Variants in FAM78B observed in about 807,000 individuals in gnomAD.
FAM78B encodes family with sequence similarity 78 member B, also known as protein FAM78B.
In FAM78B, 10 loss-of-function variants were observed where a neutral mutation model predicts 20.0. The observed-to-expected ratio is 0.50, with a 90% CI of 0.31 to 0.85. FAM78B has a LOEUF of 0.85. Among genes scored for constraint, FAM78B ranks in the 40% least tolerant of loss-of-function variants. The pLI, the probability that FAM78B is intolerant of heterozygous loss-of-function variation, is 0.05. For missense variants in FAM78B, 283 were observed against 345.0 expected, an observed-to-expected ratio of 0.82 and a Z score of 1.42; for synonymous variants, 135 against 132.8, an observed-to-expected ratio of 1.02 and a Z score of -0.12.
chr1:166,110,524 G>A (rs1654009711), intron 1 of FAM78B, among the ~76,000 whole-genome samples: 1 of 152,160 alleles, frequency 6.6e-6, no homozygotes, highest in African/African-American at 2.4e-5. Flanking sequence ...CTCCCATGTG[G>A]TAGTACCCAA....
At chr1:166,163,143 T>G (rs560619488) in intron 1 of FAM78B, among the ~76,000 whole-genome samples, 2 of 152,186 alleles carry the variant, frequency 1.3e-5, no homozygotes, top group African/African-American at 4.8e-5. Flanking sequence ...GACAGGTTGA[T>G]TGAGAGAGTC....
chr1:166,095,263 A>T (rs954416670), intron 1 of FAM78B, among the ~76,000 whole-genome samples: 2 of 151,984 alleles, frequency 1.3e-5, no homozygotes, highest in Non-Finnish European at 2.9e-5. Context: ...AGCATGGCAT[A>T]CTCGATGCAG....
Position 166,074,128 on chromosome 1 carries a change from C to T in FAM78B, c.264-3365G>A, listed in dbSNP as rs1217218396. Reference sequence around the variant, plus strand: ...ATCATGCTCTTTCTATACATAAAATCCTTCCAAGGCTTTTCTATATGGACA... The same window carrying T: ...ATCATGCTCTTTCTATACATAAAATTCTTCCAAGGCTTTTCTATATGGACA... On this transcript the variant is annotated intron_variant, in intron 1 of 1. Transcript: ENST00000354422. 2.0e-5 allele frequency among the ~76,000 whole-genome samples: 3 copies of T among 152,156 alleles called. No individual in the cohort carries two copies. In the East Asian group the frequency reaches 5.8e-4, roughly 29 times the overall value.
intron 1 of FAM78B, among the ~76,000 whole-genome samples, chr1:166,072,272 C>A (rs1652079705): frequency 6.6e-6 from 1 of 152,198 alleles, no homozygotes; most frequent in African/African-American, 2.4e-5. Context: ...CTAGGCCAGT[C>A]AGCCCCAGCC....
chr1:166,083,647 C>A (rs553692339), intron 1 of FAM78B, among the ~76,000 whole-genome samples: 5 of 152,206 alleles, frequency 3.3e-5, no homozygotes, highest in African/African-American at 2.4e-5. Flanking sequence ...TAGGACTACA[C>A]GTGCGTGCCA....
At chr1:166,075,676 T>C (rs1557889794) in intron 1 of FAM78B, among the ~76,000 whole-genome samples, 1 of 152,256 alleles carries the variant, frequency 6.6e-6, no homozygotes, top group Non-Finnish European at 1.5e-5. Flanking sequence ...TATTTCTCAG[T>C]GTCCTTTGCT....
intron 1 of FAM78B, among the ~76,000 whole-genome samples, chr1:166,079,695 C>T (rs1290315982): frequency 6.6e-6 from 1 of 152,218 alleles, no homozygotes; most frequent in Non-Finnish European, 1.5e-5. Flanking sequence ...TCAATGTAAA[C>T]ATAGCCTTCA....
At chr1:166,134,458 A>C (rs183947239) in intron 1 of FAM78B, among the ~76,000 whole-genome samples, 1 of 152,044 alleles carries the variant, frequency 6.6e-6, no homozygotes, top group African/African-American at 2.4e-5. Context: ...GCTTTTCCAA[A>C]TCATTTGAGA....
At chr1:166,150,485 T>C (rs532400642) in intron 1 of FAM78B, among the ~76,000 whole-genome samples, 1 of 152,328 alleles carries the variant, frequency 6.6e-6, no homozygotes, top group East Asian at 1.9e-4. Context: ...TGCAAGTTTC[T>C]TCTTGAATAC....
intron 1 of FAM78B, among the ~76,000 whole-genome samples, chr1:166,153,917 C>G (rs1278395140): frequency 1.3e-5 from 2 of 152,200 alleles, no homozygotes; most frequent in Non-Finnish European, 2.9e-5. Context: ...CTTCCCCAAC[C>G]CCACCTCCTT....
At chr1:166,127,904 A>G (rs1465683744) in intron 1 of FAM78B, among the ~76,000 whole-genome samples, 2 of 152,218 alleles carry the variant, frequency 1.3e-5, no homozygotes, top group South Asian at 2.1e-4. Context: ...GGATCCACAC[A>G]TAATTACTTG....
intron 1 of FAM78B, among the ~76,000 whole-genome samples, chr1:166,129,813 G>C (rs1654806565): frequency 6.6e-6 from 1 of 152,014 alleles, no homozygotes; most frequent in Non-Finnish European, 1.5e-5. Context: ...CCTTGTGCTG[G>C]CCTCTCCTTA....
At chr1:166,109,826 A>ATG (rs1227637268) in intron 1 of FAM78B, among the ~76,000 whole-genome samples, 2 of 16,868 alleles carry the variant, frequency 1.2e-4, no homozygotes, top group Non-Finnish European at 2.2e-4. Context: ...ATATATATAT[A>ATG]TATATGTATA....
intron 1 of FAM78B, among the ~76,000 whole-genome samples, chr1:166,140,536 A>T (rs1018884709): frequency 7.2e-5 from 11 of 152,240 alleles, no homozygotes; most frequent in African/African-American, 2.7e-4. Flanking sequence ...CGAGAAAGGC[A>T]CCATCATCTC....
At chr1:166,076,833 T>C (rs1299729518) in intron 1 of FAM78B, among the ~76,000 whole-genome samples, 1 of 152,180 alleles carries the variant, frequency 6.6e-6, no homozygotes, top group Non-Finnish European at 1.5e-5. Flanking sequence ...ACACTGTGTC[T>C]GAGTTAATTG....
chr1:166,116,234 A>C (rs753574495), intron 1 of FAM78B, among the ~76,000 whole-genome samples: 2 of 151,494 alleles, frequency 1.3e-5, no homozygotes, highest in African/African-American at 2.4e-5. Context: ...ATGTGTGCAG[A>C]CTCCTGTTGG....
rs557172888 is a variant in FAM78B at position 166,129,424 on chromosome 1, G to A, written c.263+36562C>T. Among the ~76,000 whole-genome samples, 18 of 152,252 alleles carry A rather than the reference G, an allele frequency of 1.2e-4. 1 individual carries two copies. In the East Asian group the frequency reaches 2.3e-3, roughly 20 times the overall value. On this transcript the variant is annotated intron_variant, in intron 1 of 1. Transcript: ENST00000354422. ...AGGGCCATATAAATAGTCCTTAAAC[G>A]ATAAATGGATTCAAGAAGCCCATCT... is the stretch of plus-strand genomic sequence containing the variant.
intron 1 of FAM78B, among the ~76,000 whole-genome samples, chr1:166,083,558 G>A (rs12133483): frequency 0.18 from 26,974 of 152,148 alleles, 3,216 homozygotes; most frequent in East Asian, 0.48. Flanking sequence ...AGGCTGGAGT[G>A]CGGTGGCGCG....
intron 1 of FAM78B, among the ~76,000 whole-genome samples, chr1:166,085,403 C>G (rs547694761): frequency 6.6e-6 from 1 of 152,176 alleles, no homozygotes; most frequent in Non-Finnish European, 1.5e-5. Context: ...GGGGTCAGAA[C>G]TCAAGATCTC....
Sources: allele counts gnomAD v4.1 joint callset (sites outside exome capture counted in the v4.1 genomes callset), GRCh38; gene constraint gnomAD v4.1.1; transcripts MANE v1.5; gene names NCBI Gene and HGNC (gene_info 2026-07-23, HGNC 2026-07-21).